Variants in CSMD2 observed in about 807,000 individuals in gnomAD.
CSMD2 encodes CUB and Sushi multiple domains 2, also known as CUB and sushi domain-containing protein 2.
CSMD2 carries 130 observed loss-of-function variants against 398.5 expected under a neutral mutation model. The observed-to-expected ratio is 0.33, with a 90% CI of 0.28 to 0.38. The LOEUF is 0.38. Ranked by LOEUF, CSMD2 falls within the 10% of genes least tolerant of loss-of-function variation. The pLI is 1.00. For synonymous variants in CSMD2, 1,828 were observed against 1,908.5 expected (o/e 0.96, Z 1.10); for missense variants, 3,829 against 4,764.9 (o/e 0.80, Z 5.78).
intron 1 of CSMD2, among the ~76,000 whole-genome samples, chr1:34,156,540 A>G (rs189317756): frequency 5.3e-5 from 8 of 152,360 alleles, no homozygotes; most frequent in Admixed American, 4.6e-4. Context: ...TACCTACTTA[A>G]TAATAGAACT....
chr1:33,864,778 G>C, intron 5 of CSMD2: 1 of 1,564,030 alleles, frequency 6.4e-7, no homozygotes, highest in Non-Finnish European at 8.7e-7. Flanking sequence ...AAAACAAAAT[G>C]CCATTCAACC....
chr1:33,978,846 T>C (rs1570697882), intron 3 of CSMD2, among the ~76,000 whole-genome samples: 2 of 152,334 alleles, frequency 1.3e-5, no homozygotes, highest in South Asian at 2.1e-4. Flanking sequence ...CCAGGCATCA[T>C]ACTAAGCTCT....
intron 4 of CSMD2, among the ~76,000 whole-genome samples, chr1:33,923,716 A>G (rs888597309): frequency 4.6e-5 from 7 of 152,142 alleles, no homozygotes; most frequent in African/African-American, 1.7e-4. Context: ...TCTGCTATTG[A>G]ACATTAGAAT....
At chr1:33,889,882 A>G (rs1302925666) in intron 5 of CSMD2, among the ~76,000 whole-genome samples, 1 of 152,120 alleles carries the variant, frequency 6.6e-6, no homozygotes, top group East Asian at 1.9e-4. Flanking sequence ...TTTAACACAT[A>G]GACGACTTTA....
At chr1:34,123,318 G>C (rs1662386462) in intron 1 of CSMD2, among the ~76,000 whole-genome samples, 1 of 152,220 alleles carries the variant, frequency 6.6e-6, no homozygotes, top group Admixed American at 6.5e-5. Flanking sequence ...AGAGCTTCCA[G>C]AGAGCGGAAC....
At chr1:33,819,626 C>T in intron 9 of CSMD2, 87 bp downstream of exon 9, 1 of 1,274,778 alleles carries the variant, frequency 7.8e-7, no homozygotes, top group Non-Finnish European at 1.1e-6. Context: ...GCTTGAGAGC[C>T]TGGGCCTCAG....
At chr1:34,070,862 G>A (rs189170951) in intron 2 of CSMD2, among the ~76,000 whole-genome samples, 3 of 149,368 alleles carry the variant, frequency 2.0e-5, no homozygotes, top group East Asian at 2.1e-4. Context: ...ATGCGTCCCC[G>A]TTCCTCTTTA....
In CSMD2 at chr1:33,739,350, T is replaced by C. The variant is rs747700166; in HGVS notation, c.2174-16A>G. The C allele has an allele frequency of 1.9e-6, 3 of 1,601,792 alleles. No homozygotes were observed. The highest frequency in any genetic ancestry group is 2.2e-5 in the South Asian group (2 of 89,836). ...TGTCGGAAGGCTGTGTAGATGGAGT[T>C]CAAGGACATGATCAGACATTGCTGG... On this transcript the variant is annotated splice_polypyrimidine_tract_variant and intron_variant, in intron 14 of 70. Transcript: ENST00000373381.
chr1:34,076,609 C>T (rs1275506688), intron 2 of CSMD2, among the ~76,000 whole-genome samples: 2 of 5,834 alleles, frequency 3.4e-4, no homozygotes, highest in Non-Finnish European at 6.8e-3. Flanking sequence ...TCATGATTCA[C>T]AAATTATTTT....
chr1:33,987,467 G>A (rs1646398894), intron 3 of CSMD2, among the ~76,000 whole-genome samples: 1 of 152,158 alleles, frequency 6.6e-6, no homozygotes, highest in Admixed American at 6.5e-5. Context: ...TTTTAACCCA[G>A]GGAGTTGGGC....
At chr1:33,724,778 G>GT (rs1646473924) in intron 17 of CSMD2, 74 bp from the exon 18 acceptor site, 1 of 1,367,188 alleles carries the variant, frequency 7.3e-7, no homozygotes, top group Non-Finnish European at 1.0e-6. Context: ...ACTCCAAAGA[G>GT]TAAGAAGAGA....
chr1:33,620,347 T>A (rs1477262277), intron 37 of CSMD2, among the ~76,000 whole-genome samples: 1 of 152,172 alleles, frequency 6.6e-6, no homozygotes. Flanking sequence ...AAATAAAATA[T>A]AACTACAGGG....
chr1:33,592,157 G>A, intron 44 of CSMD2: 1 of 498,560 alleles, frequency 2.0e-6, no homozygotes, highest in Non-Finnish European at 3.7e-6. Context: ...CTTCACAAAG[G>A]TAGAGGACGA....
chr1:33,725,316 G>A, intron 17 of CSMD2, 33 bp downstream of exon 17: 1 of 1,601,144 alleles, frequency 6.2e-7, no homozygotes, highest in Non-Finnish European at 8.6e-7. Flanking sequence ...GGCTGACCTT[G>A]TCATCCCTTT....
rs137998895 is a variant in CSMD2 at position 33,567,593 on chromosome 1, G to A, written c.8380C>T (p.Pro2794Ser). 442 of 1,613,782 alleles carry A rather than the reference G, an allele frequency of 2.7e-4. 1 individual carries two copies. In the African/African-American group the frequency reaches 4.1e-3, roughly 15 times the overall value. The change falls in exon 53 of 71, where the codon CCA becomes TCA. Residue 2794 changes from proline (P) to serine (S), a missense_variant and splice_region_variant. Physicochemically the swap from Pro to Ser is moderately conservative, Grantham distance 74. This residue lies in a region of CSMD2 where 917 missense variants were observed against 1,199.5 expected (regional missense o/e 0.76). Transcript: ENST00000373381. Reference sequence around the variant, plus strand: ...TAGGGAGAGTGGATGACATACTTACGCACACAGAAAGGGGTCTTGCCCGAC... The same window carrying A: ...TAGGGAGAGTGGATGACATACTTACACACACAGAAAGGGGTCTTGCCCGAC... Reference protein sequence around the residue: ...HWSGKTPFCVPITCGHPGNPV... With the variant: ...HWSGKTPFCVSITCGHPGNPV...
At chr1:34,080,905 G>C (rs1252363880) in intron 2 of CSMD2, among the ~76,000 whole-genome samples, 1 of 129,198 alleles carries the variant, frequency 7.7e-6, no homozygotes, top group African/African-American at 2.7e-5. Context: ...CAAACTTCTG[G>C]CAAGACTAAC....
At chr1:33,946,493 G>A (rs185318681) in intron 3 of CSMD2, among the ~76,000 whole-genome samples, 66 of 152,298 alleles carry the variant, frequency 4.3e-4, no homozygotes, top group African/African-American at 1.4e-3. Flanking sequence ...TGACCCATTG[G>A]CTAGTAACTT....
intron 2 of CSMD2, among the ~76,000 whole-genome samples, chr1:34,076,109 G>C (rs1656293506): frequency 6.6e-6 from 1 of 152,234 alleles, no homozygotes. Context: ...ACTCCTGGTA[G>C]AGAAAGGGAG....
intron 3 of CSMD2, among the ~76,000 whole-genome samples, chr1:33,970,384 A>T (rs1339909146): frequency 2.0e-5 from 3 of 152,094 alleles, no homozygotes; most frequent in African/African-American, 7.2e-5. Flanking sequence ...GCAATCGCTA[A>T]TCCCACCCTC....
Sources: allele counts gnomAD v4.1 joint callset (sites outside exome capture counted in the v4.1 genomes callset), GRCh38; gene constraint gnomAD v4.1.1; regional missense constraint gnomAD v4.1.1; transcripts MANE v1.5; gene names NCBI Gene and HGNC (gene_info 2026-07-23, HGNC 2026-07-21).